The following CELF1 variants were observed in gnomAD, a reference collection of about 807,000 sequenced individuals.
CELF1 encodes the protein CUGBP Elav-like family member 1.
In CELF1, 10 loss-of-function variants were observed where a neutral mutation model predicts 61.8. The observed-to-expected ratio is 0.16, with a 90% CI of 0.10 to 0.27. The LOEUF (loss-of-function observed/expected upper bound fraction) is 0.27, where lower values mean the gene tolerates loss of function less well. Ranked by LOEUF, CELF1 falls within the 10% of genes least tolerant of loss-of-function variation. The pLI is 1.00. For missense variants in CELF1, 380 were observed against 639.1 expected, an observed-to-expected ratio of 0.59 and a Z score of 4.37; for synonymous variants, 236 against 225.1, an observed-to-expected ratio of 1.05 and a Z score of -0.43.
chr11:47,503,106 A>G (rs1275490137), intron 1 of CELF1, among the ~76,000 whole-genome samples: 2 of 152,230 alleles, frequency 1.3e-5, no homozygotes, highest in Non-Finnish European at 2.9e-5. Flanking sequence ...TGAAGGTAGG[A>G]GTAGTCAGCC....
chr11:47,479,696 C>T (rs2081943778), intron 9 of CELF1, among the ~76,000 whole-genome samples: 1 of 152,224 alleles, frequency 6.6e-6, no homozygotes, highest in Non-Finnish European at 1.5e-5. Context: ...ATTGGCAAAC[C>T]ACAACCTTCA....
At chr11:47,479,087 C>A in intron 9 of CELF1, 135 bp from the exon 10 acceptor site, 1 of 620,464 alleles carries the variant, frequency 1.6e-6, no homozygotes, top group Non-Finnish European at 2.9e-6. Flanking sequence ...GAACCCAAGC[C>A]AACACAACAG....
At chr11:47,552,412 C>T (rs2097161450) in intron 1 of CELF1, among the ~76,000 whole-genome samples, 1 of 152,244 alleles carries the variant, frequency 6.6e-6, no homozygotes, top group Non-Finnish European at 1.5e-5. Flanking sequence ...AGATTCCTGC[C>T]CAGCTACTAG....
chr11:47,526,054 G>A (rs146512332), intron 1 of CELF1, among the ~76,000 whole-genome samples: 1 of 151,692 alleles, frequency 6.6e-6, no homozygotes, highest in African/African-American at 2.4e-5. Flanking sequence ...TGCGCACCAG[G>A]AGTGGTAGCT....
intron 11 of CELF1, 79 bp from the exon 12 acceptor site, chr11:47,477,038 G>A (rs1487538244): frequency 9.7e-6 from 12 of 1,236,874 alleles, no homozygotes; most frequent in Non-Finnish European, 1.3e-5. Context: ...CACTATCCAA[G>A]TATGCTATTT....
intron 13 of CELF1, among the ~76,000 whole-genome samples, chr11:47,474,567 G>A (rs1596080848): frequency 6.6e-6 from 1 of 152,256 alleles, no homozygotes; most frequent in African/African-American, 2.4e-5. Context: ...TAAAATATTG[G>A]TTCACGCTAC....
intron 3 of CELF1, among the ~76,000 whole-genome samples, chr11:47,497,609 C>G (rs1047444126): frequency 6.6e-6 from 1 of 152,182 alleles, no homozygotes; most frequent in South Asian, 2.1e-4. Context: ...AAAACAGATG[C>G]AAACGTACTT....
intron 1 of CELF1, among the ~76,000 whole-genome samples, chr11:47,551,051 A>C (rs2097125521): frequency 6.6e-6 from 1 of 152,126 alleles, no homozygotes; most frequent in African/African-American, 2.4e-5. Context: ...AAAAAAAAAA[A>C]AACATAACCT....
intron 4 of CELF1, among the ~76,000 whole-genome samples, chr11:47,488,208 T>C (rs1276189114): frequency 6.6e-6 from 1 of 152,222 alleles, no homozygotes; most frequent in Non-Finnish European, 1.5e-5. Flanking sequence ...TCTGTGTGTA[T>C]ATACGGGGCA....
chr11:47,551,352 C>A (rs1328900269), intron 1 of CELF1, among the ~76,000 whole-genome samples: 1 of 152,186 alleles, frequency 6.6e-6, no homozygotes, highest in Non-Finnish European at 1.5e-5. Flanking sequence ...CTGGTTAAAG[C>A]AACAACTGAA....
chr11:47,498,858 C>T (rs1338272074), intron 3 of CELF1, among the ~76,000 whole-genome samples: 1 of 148,166 alleles, frequency 6.7e-6, no homozygotes, highest in Non-Finnish European at 1.5e-5. Flanking sequence ...TCCAGTTTTG[C>T]TTTTTTTGGA....
intron 1 of CELF1, among the ~76,000 whole-genome samples, chr11:47,502,842 CAGAT>C (rs2094093250): frequency 6.6e-6 from 1 of 151,878 alleles, no homozygotes; most frequent in Admixed American, 6.6e-5. Context: ...AAAAAAAAAT[CAGAT>C]AGACATTCCA....
Position 47,469,400 on chromosome 11 carries a change from C to T in CELF1, c.*2830G>A, listed in dbSNP as rs1023976004. On this transcript the variant is annotated 3_prime_UTR_variant, in exon 15 of 15. Transcript: ENST00000687097. ...AACCCAGGAGACAGTGGTCTGGCTG[C>T]ATTCAAGGCAAATCAATTTCATGAT... 7 of 152,262 alleles carry T rather than the reference C, an allele frequency of 4.6e-5. No individual in the cohort carries two copies. The highest frequency in any genetic ancestry group is 1.7e-4 in the African/African-American group (7 of 41,464). The allele number at this position is 152,262 out of a possible 1,614,324, so 9.4% of individuals were successfully genotyped here.
intron 1 of CELF1, among the ~76,000 whole-genome samples, chr11:47,509,891 G>A (rs541459048): frequency 1.5e-4 from 10 of 67,522 alleles, no homozygotes; most frequent in African/African-American, 5.3e-4. Flanking sequence ...GCTGGGTGTG[G>A]TGTCTCAAAA....
intron 1 of CELF1, among the ~76,000 whole-genome samples, chr11:47,510,864 G>A (rs2095084129): frequency 6.6e-6 from 1 of 152,074 alleles, no homozygotes; most frequent in African/African-American, 2.4e-5. Context: ...AAGACAGGGA[G>A]CTAATAAAGA....
intron 1 of CELF1, among the ~76,000 whole-genome samples, chr11:47,509,151 A>G (rs780908492): frequency 1.3e-5 from 2 of 152,130 alleles, no homozygotes; most frequent in Non-Finnish European, 2.9e-5. Flanking sequence ...TCTGTGAGAA[A>G]ACTGAAACGC....
In CELF1 at chr11:47,549,758, T is replaced by C. The variant is rs914334108; in HGVS notation, c.-154+3234A>G. On this transcript the variant is annotated intron_variant, in intron 1 of 14. Transcript: ENST00000687097. Reference sequence around the variant, plus strand: ...CAGATCTGTTTTCCAACAGTGCGAATGTACTTAATGTCACAGAACACTTAA... The same window carrying C: ...CAGATCTGTTTTCCAACAGTGCGAACGTACTTAATGTCACAGAACACTTAA... 2.0e-5 allele frequency among the ~76,000 whole-genome samples: 3 copies of C among 152,114 alleles called. No individual in the cohort carries two copies. The East Asian group carries it at 5.8e-4, about 29-fold the overall frequency.
At chr11:47,508,583 A>C (rs1468935508) in intron 1 of CELF1, among the ~76,000 whole-genome samples, 2 of 151,258 alleles carry the variant, frequency 1.3e-5, no homozygotes, top group African/African-American at 2.4e-5. Context: ...AAAAAAAAAA[A>C]AAACCCAAAA....
At position 47,478,860 on chromosome 11, in the gene CELF1, A is replaced by C; in HGVS notation, c.844+17T>G. ...GGCCTGGGTGCTGCTGCTCCTCTGC[A>C]GCAGTGAAACACTTACCTCCCATTG... On this transcript the variant is annotated intron_variant, in intron 10 of 14. Coordinates refer to ENST00000687097, the MANE Select transcript of CELF1 (RefSeq NM_001376376.1). The C allele has an allele frequency of 6.2e-7, 1 of 1,604,788 alleles. No individual in the cohort carries two copies. Among genetic ancestry groups the C allele is most frequent in the African/African-American group, 1.3e-5 (1 of 74,856 alleles).
Sources: gnomAD v4.1 joint callset for allele counts (sites outside exome capture counted in the v4.1 genomes callset) on GRCh38, gnomAD v4.1.1 for gene constraint, MANE v1.5 for transcripts, NCBI Gene and HGNC (gene_info 2026-07-23, HGNC 2026-07-21) for gene names.